Variants in FCRL3 observed in about 807,000 individuals in gnomAD.
FCRL3 encodes Fc receptor-like protein 3.
FCRL3 carries 89 observed loss-of-function variants against 75.0 expected under a neutral mutation model. That is an observed-to-expected ratio of 1.19 (90% CI 1.00 to 1.42). The LOEUF (loss-of-function observed/expected upper bound fraction) is 1.42. Ranked by LOEUF, FCRL3 falls within the 40% of genes most tolerant of loss-of-function variation. FCRL3 has a pLI of 0.00. For synonymous variants in FCRL3, 376 were observed against 348.5 expected (o/e 1.08, Z -0.88); for missense variants, 946 against 880.0 (o/e 1.07, Z -0.95).
rs762396625 is a variant in FCRL3, at chr1:157,690,414, A to G, written c.1531T>C (p.Tyr511His). The change falls in exon 9 of 15, where the codon TAT (tyrosine) becomes CAT (histidine). Residue 511 changes from tyrosine (Y) to histidine (H), a missense_variant. Tyr to His is a moderately conservative substitution (Grantham distance 83). Transcript: ENST00000368184. The stretch of plus-strand genomic sequence containing the variant: ...TTCCCCAAGGTGTCATCCTCGTGAT[A>G]AAACCAGTACAGGATCGGGAAGGAG... ...RGSFPILYWF[Y>H]HEDDTLGNIS... 2 of 1,614,126 alleles carry G rather than the reference A, an allele frequency of 1.2e-6. No homozygotes were observed.
Position 157,677,885 on chromosome 1 carries a change from G to A in FCRL3, c.*825C>T. 1.1e-6 allele frequency: 1 copy of A among 877,794 alleles called. No individual in the cohort carries two copies. Among genetic ancestry groups the A allele is most frequent in the Non-Finnish European group, 1.4e-6 (1 of 732,358 alleles). 54.4% of individuals were successfully genotyped at this position (877,794 alleles called of 1,614,324 possible). Reference sequence around the variant, plus strand: ...TTAGAATGGTTTTTTATCAGATGGAGTGAGGTAGAGGAAGAGAATGGGAGA... The same window carrying A: ...TTAGAATGGTTTTTTATCAGATGGAATGAGGTAGAGGAAGAGAATGGGAGA... On this transcript the variant is annotated 3_prime_UTR_variant, in exon 15 of 15. Transcript: ENST00000368184.
In FCRL3 at chr1:157,696,099, C is replaced by T. The variant is rs200782762; in HGVS notation, c.1073G>A (p.Cys358Tyr). The change falls in exon 7 of 15, where the codon TGT (cysteine) becomes TAT (tyrosine). Residue 358 changes from cysteine to tyrosine, a missense_variant. Cys to Tyr is a radical substitution (Grantham distance 194). Coordinates refer to ENST00000368184, the MANE Select transcript of FCRL3 (RefSeq NM_052939.4). Reference sequence around the variant, plus strand: ...GGGGCTGTGAACGTTATCAGCTGCACAGTAGTATCTCCCTGCATCACTCTC... The same window carrying T: ...GGGGCTGTGAACGTTATCAGCTGCATAGTAGTATCTCCCTGCATCACTCTC... ...VKESDAGRYY[C>Y]AADNVHSPIL... The T allele has an allele frequency of 1.1e-4, 183 of 1,613,700 alleles. No individual in the cohort carries two copies. In the East Asian group the frequency reaches 3.7e-3, roughly 33 times the overall value.
chr1:157,690,146 C>T (rs564220441), intron 9 of FCRL3, 109 bp downstream of exon 9: 24 of 1,439,704 alleles, frequency 1.7e-5, no homozygotes, highest in African/African-American at 8.5e-5. Context: ...CCCAAGCCTT[C>T]GTGTGCATGT....
chr1:157,700,016 T>G (rs1254578541), intron 2 of FCRL3, among the ~76,000 whole-genome samples: 1 of 152,200 alleles, frequency 6.6e-6, no homozygotes, highest in Admixed American at 6.5e-5. Context: ...CTTTCGTTCC[T>G]TGGGCTCCTA....
In FCRL3 at chr1:157,676,996, C is replaced by A. The variant is rs1271187411; in HGVS notation, c.*1714G>T. 7.5e-7 allele frequency: 1 copy of A among 1,332,696 alleles called. No individual in the cohort carries two copies. Among genetic ancestry groups the A allele is most frequent in the Middle Eastern group, 2.7e-4 (1 of 3,722 alleles). The allele number at this position is 1,332,696 out of a possible 1,614,324, so 82.6% of individuals were successfully genotyped here. ...CATAGAAGACAGAGACATTTGCCTC[C>A]TCCCTCTTCAAGGGACCTTAAAATT... On this transcript the variant is annotated 3_prime_UTR_variant, in exon 15 of 15. Transcript: ENST00000368184.
chr1:157,686,632 A>T (rs761232321), intron 10 of FCRL3, among the ~76,000 whole-genome samples: 1 of 151,982 alleles, frequency 6.6e-6, no homozygotes, highest in South Asian at 2.1e-4. Flanking sequence ...AGAAATAAAG[A>T]TTCACACCTA....
rs1328392363 is a variant in FCRL3, at chr1:157,677,677, A to G, written c.*1033T>C. On this transcript the variant is annotated 3_prime_UTR_variant, in exon 15 of 15. Transcript: ENST00000368184. ...CAATAAAAACAAATGAACTATAGCAACACGCAACAATATGGATGAATCTTA... is the reference window on the plus strand; with the variant it reads ...CAATAAAAACAAATGAACTATAGCAGCACGCAACAATATGGATGAATCTTA... The G allele has an allele frequency of 4.7e-6, 4 of 850,478 alleles. No individual in the cohort carries two copies. The African/African-American group carries it at 5.5e-5, about 12-fold the overall frequency. 52.7% of individuals were successfully genotyped at this position (850,478 alleles called of 1,614,324 possible).
intron 8 of FCRL3, 62 bp downstream of exon 8, chr1:157,695,267 A>G (rs1655805999): frequency 6.5e-7 from 1 of 1,529,804 alleles, no homozygotes; most frequent in East Asian, 2.3e-5. Context: ...CAGTGGAGCT[A>G]TTTCTGAGAA....
At chr1:157,698,091 C>G (rs971945944) in intron 4 of FCRL3, 172 bp from the exon 5 acceptor site, 2 of 777,746 alleles carry the variant, frequency 2.6e-6, no homozygotes, top group Non-Finnish European at 4.0e-6. Flanking sequence ...AAGGGTGAAC[C>G]AATTCCCAGA....
At chr1:157,686,993 A>T (rs1172156794) in intron 10 of FCRL3, among the ~76,000 whole-genome samples, 1 of 152,076 alleles carries the variant, frequency 6.6e-6, no homozygotes, top group African/African-American at 2.4e-5. Flanking sequence ...TCAACAGAGT[A>T]AACAGGCAAC....
At chr1:157,683,496 A>C (rs978055480) in intron 10 of FCRL3, among the ~76,000 whole-genome samples, 13 of 152,156 alleles carry the variant, frequency 8.5e-5, no homozygotes, top group African/African-American at 3.1e-4. Flanking sequence ...GGTGAATAGC[A>C]ACTCTAAGTA....
Position 157,678,160 on chromosome 1 carries a change from T to C in FCRL3, c.*550A>G. On this transcript the variant is annotated 3_prime_UTR_variant, in exon 15 of 15. Coordinates refer to ENST00000368184, the MANE Select transcript of FCRL3 (RefSeq NM_052939.4). ...ATAACTAGGGTAATTTGGTTGGGAA[T>C]GTCACCCTGTAAGTACAAAAATACA... 1.0e-6 allele frequency: 1 copy of C among 986,174 alleles called. No individual in the cohort carries two copies. Among genetic ancestry groups the C allele is most frequent in the Non-Finnish European group, 1.2e-6 (1 of 830,534 alleles). 61.1% of individuals were successfully genotyped at this position (986,174 alleles called of 1,614,324 possible).
Position 157,680,755 on chromosome 1 carries a change from C to T in FCRL3, c.1973G>A (p.Ser658Asn), listed in dbSNP as rs769665632. Residue 658 changes from serine (S) to asparagine (N), a missense_variant, in exon 13 of 15, where the codon AGC becomes AAC. Transcript: ENST00000368184. ...CCAGATCTGGGAATAAATCGGGTTG[C>T]TATCTCCAGGATTTACTGTGAGAGA... is the stretch of plus-strand genomic sequence containing the variant. ...PMYSNVNPGD[S>N]NPIYSQIWSI... is the part of the protein sequence containing the mutation. 2 of 1,613,958 alleles carry T rather than the reference C, an allele frequency of 1.2e-6. No individual in the cohort carries two copies. Among genetic ancestry groups the T allele is most frequent in the Non-Finnish European group, 1.7e-6 (2 of 1,179,950 alleles).
In FCRL3 at chr1:157,677,490, G is replaced by A. The variant is rs1654532651; in HGVS notation, c.*1220C>T. On this transcript the variant is annotated 3_prime_UTR_variant, in exon 15 of 15. Coordinates refer to ENST00000368184, the MANE Select transcript of FCRL3 (RefSeq NM_052939.4). ...GGACTTGAGGTGTTCAGAGATATTT[G>A]GAAACATCAGGATTTCAGAATGGAG... The A allele has an allele frequency of 2.0e-6, 2 of 985,324 alleles. No individual in the cohort carries two copies. The highest frequency in any genetic ancestry group is 2.4e-6 in the Non-Finnish European group (2 of 829,904). The allele number at this position is 985,324 out of a possible 1,614,324, so 61.0% of individuals were successfully genotyped here. A position where few individuals can be genotyped will look rare whatever the true frequency, so the allele number is the denominator to read the frequency against.
rs1654518996 is a variant in FCRL3 at position 157,677,261 on chromosome 1, G to A, written c.*1449C>T. 1.0e-6 allele frequency: 1 copy of A among 997,784 alleles called. No homozygotes were observed. The highest frequency in any genetic ancestry group is 1.2e-6 in the Non-Finnish European group (1 of 836,686). The allele number at this position is 997,784 out of a possible 1,614,324, so 61.8% of individuals were successfully genotyped here. A position where few individuals can be genotyped will look rare whatever the true frequency, so the allele number is the denominator to read the frequency against. On this transcript the variant is annotated 3_prime_UTR_variant, in exon 15 of 15. Coordinates refer to ENST00000368184, the MANE Select transcript of FCRL3 (RefSeq NM_052939.4). ...ATAGTGATGGAACCTAAGGGTAGCA[G>A]AGTTTATGGTGACCCTGTAGTGTAT...
rs965674174 is a variant in FCRL3 at position 157,676,559 on chromosome 1, G to C, written c.*2151C>G. ...TAGATTTCTGGGCTATGGGTTTTTA[G>C]TTGTGAATTCAAAGATAAAAGTCAA... On this transcript the variant is annotated 3_prime_UTR_variant, in exon 15 of 15. Coordinates refer to ENST00000368184, the MANE Select transcript of FCRL3 (RefSeq NM_052939.4). The C allele has an allele frequency of 7.4e-5, 50 of 679,572 alleles. No individual in the cohort carries two copies. Among genetic ancestry groups the C allele is most frequent in the African/African-American group, 6.8e-4 (38 of 55,490 alleles). 42.1% of individuals were successfully genotyped at this position (679,572 alleles called of 1,614,324 possible).
chr1:157,677,304 G>A lies in FCRL3; in HGVS notation c.*1406C>T. 1.0e-6 allele frequency: 1 copy of A among 988,180 alleles called. No homozygotes were observed. The highest frequency in any genetic ancestry group is 4.6e-5 in the South Asian group (1 of 21,510). The allele number at this position is 988,180 out of a possible 1,614,324, so 61.2% of individuals were successfully genotyped here. A position where few individuals can be genotyped will look rare whatever the true frequency, so the allele number is the denominator to read the frequency against. On this transcript the variant is annotated 3_prime_UTR_variant, in exon 15 of 15. Transcript: ENST00000368184. Reference sequence around the variant, plus strand: ...TAGTGTATCTCCAGAAATGGTGATTGTTTGAATGCATGTAAGACATTCCCT... The same window carrying A: ...TAGTGTATCTCCAGAAATGGTGATTATTTGAATGCATGTAAGACATTCCCT...
chr1:157,696,513 C>G lies in FCRL3; in HGVS notation c.845-186G>C, dbSNP rs902381963. ...AGCAACATCCCTCTCACTCCCACAA[C>G]ATTCCCATCCTTGAGAAATGTGGGC... On this transcript the variant is annotated intron_variant, in intron 6 of 14. Coordinates refer to ENST00000368184, the MANE Select transcript of FCRL3 (RefSeq NM_052939.4). 5 of 597,346 alleles carry G rather than the reference C, an allele frequency of 8.4e-6. No homozygotes were observed. In the Admixed American group the frequency reaches 1.5e-4, roughly 18 times the overall value. The allele number at this position is 597,346 out of a possible 1,614,324, so 37.0% of individuals were successfully genotyped here.
Position 157,677,287 on chromosome 1 carries a change from C to A in FCRL3, c.*1423G>T, listed in dbSNP as rs1007447118. On this transcript the variant is annotated 3_prime_UTR_variant, in exon 15 of 15. Transcript: ENST00000368184. ...AGTTTATGGTGACCCTGTAGTGTAT[C>A]TCCAGAAATGGTGATTGTTTGAATG... 2.0e-6 allele frequency: 2 copies of A among 988,860 alleles called. No homozygotes were observed. Among genetic ancestry groups the A allele is most frequent in the African/African-American group, 3.5e-5 (2 of 57,300 alleles). The allele number at this position is 988,860 out of a possible 1,614,324, so 61.3% of individuals were successfully genotyped here. A position where few individuals can be genotyped will look rare whatever the true frequency, so the allele number is the denominator to read the frequency against.
Sources: allele counts gnomAD v4.1 joint callset (sites outside exome capture counted in the v4.1 genomes callset), GRCh38; gene constraint gnomAD v4.1.1; transcripts MANE v1.5; gene names NCBI Gene and HGNC (gene_info 2026-07-23, HGNC 2026-07-21).